TMTC2: variants seen among roughly 807,000 people sequenced by gnomAD.
The protein encoded by TMTC2 is transmembrane O-mannosyltransferase targeting cadherins 2, also known as protein O-mannosyl-transferase TMTC2.
TMTC2 carries 43 observed loss-of-function variants against 82.4 expected under a neutral mutation model. That is an observed-to-expected ratio of 0.52 (90% CI 0.41 to 0.67). TMTC2 has a LOEUF of 0.67. TMTC2 is among the 30% of genes least tolerant of loss of function. The pLI, the probability that TMTC2 is intolerant of heterozygous loss-of-function variation, is 0.00. For missense variants in TMTC2, 919 were observed against 1,012.4 expected, an observed-to-expected ratio of 0.91 and a Z score of 1.25; for synonymous variants, 408 against 381.9, an observed-to-expected ratio of 1.07 and a Z score of -0.80.
intron 1 of TMTC2, among the ~76,000 whole-genome samples, chr12:82,741,433 C>T (rs947924553): frequency 6.6e-6 from 1 of 152,094 alleles, no homozygotes; most frequent in Admixed American, 6.5e-5. Flanking sequence ...GCCTTAGCCT[C>T]CTGAGTAGCT....
intron 4 of TMTC2, among the ~76,000 whole-genome samples, chr12:82,941,717 G>T (rs1396934936): frequency 1.3e-5 from 2 of 152,064 alleles, no homozygotes; most frequent in East Asian, 3.9e-4. Flanking sequence ...CATTGTTATT[G>T]TATACCTACT....
chr12:82,854,960 A>G (rs1871182521), intron 1 of TMTC2, among the ~76,000 whole-genome samples: 1 of 152,200 alleles, frequency 6.6e-6, no homozygotes, highest in South Asian at 2.1e-4. Flanking sequence ...TCTTTATATA[A>G]TAATAACAGC....
intron 1 of TMTC2, among the ~76,000 whole-genome samples, chr12:82,838,984 G>A (rs563632538): frequency 6.6e-6 from 1 of 152,034 alleles, no homozygotes; most frequent in African/African-American, 2.4e-5. Context: ...GAAATGCCTG[G>A]GCATTAAAAA....
At position 83,068,468 on chromosome 12, in the gene TMTC2, C is replaced by G. The variant is rs190725688; in HGVS notation, c.2331+6637C>G. ...ATAATTTGTCTGGGAAGCAGTTAAA[C>G]CACATTTCTGCTTGTAAATGGGGGA... On this transcript the variant is annotated intron_variant, in intron 11 of 11. Transcript: ENST00000321196. 1.8e-4 allele frequency among the ~76,000 whole-genome samples: 27 copies of G among 152,166 alleles called. 1 individual carries two copies. The highest frequency in any genetic ancestry group is 6.3e-4 in the African/African-American group (26 of 41,528).
At chr12:82,874,412 T>A (rs992408247) in intron 2 of TMTC2, among the ~76,000 whole-genome samples, 8 of 152,192 alleles carry the variant, frequency 5.3e-5, no homozygotes, top group African/African-American at 1.9e-4. Context: ...TGCTAAGCCA[T>A]TTTTGGGTAA....
chr12:83,040,974 G>A (rs1364696061), intron 9 of TMTC2, among the ~76,000 whole-genome samples: 2 of 152,056 alleles, frequency 1.3e-5, no homozygotes, highest in East Asian at 1.9e-4. Context: ...ATGAGCCACC[G>A]CACCAGGTCA....
intron 11 of TMTC2, among the ~76,000 whole-genome samples, chr12:83,084,890 G>A (rs1016008831): frequency 6.6e-6 from 1 of 152,198 alleles, no homozygotes; most frequent in Non-Finnish European, 1.5e-5. Flanking sequence ...TGACTATGGT[G>A]GAGGAATAAT....
At chr12:82,763,198 AAAAC>A (rs1336499987) in intron 1 of TMTC2, among the ~76,000 whole-genome samples, 1 of 152,152 alleles carries the variant, frequency 6.6e-6, no homozygotes, top group Non-Finnish European at 1.5e-5. Context: ...CTAGAAAAAA[AAAAC>A]AAGAAAAAAA....
chr12:82,902,246 A>G (rs1171523671), intron 3 of TMTC2, among the ~76,000 whole-genome samples: 1 of 124,912 alleles, frequency 8.0e-6, no homozygotes, highest in African/African-American at 2.6e-5. Context: ...AAACCCCCAA[A>G]AGTTTGGGAG....
At chr12:82,835,636 C>T (rs1869993372) in intron 1 of TMTC2, among the ~76,000 whole-genome samples, 1 of 152,096 alleles carries the variant, frequency 6.6e-6, no homozygotes, top group Non-Finnish European at 1.5e-5. Flanking sequence ...TTAAATTAGG[C>T]GTTCTTTGCA....
intron 1 of TMTC2, among the ~76,000 whole-genome samples, chr12:82,691,275 A>G (rs974680558): frequency 6.6e-6 from 1 of 152,188 alleles, no homozygotes; most frequent in Non-Finnish European, 1.5e-5. Flanking sequence ...GTTAAACTCA[A>G]CCAGAATCAT....
At chr12:82,957,521 C>T (rs1214129186) in intron 4 of TMTC2, among the ~76,000 whole-genome samples, 5 of 152,000 alleles carry the variant, frequency 3.3e-5, no homozygotes, top group African/African-American at 9.6e-5. Context: ...AAGGAAATAA[C>T]AAAAGTCAAA....
intron 1 of TMTC2, among the ~76,000 whole-genome samples, chr12:82,768,413 C>CTGTG (rs201051517): frequency 6.6e-6 from 1 of 152,128 alleles, no homozygotes; most frequent in Non-Finnish European, 1.5e-5. Context: ...GTAAAAGAGG[C>CTGTG]TGTGTGTGTG....
At chr12:82,998,244 A>G (rs761836151) in intron 8 of TMTC2, among the ~76,000 whole-genome samples, 21 of 152,138 alleles carry the variant, frequency 1.4e-4, no homozygotes, top group Non-Finnish European at 1.8e-4. Flanking sequence ...GTGGACGGAG[A>G]TAATAGGAGA....
chr12:82,810,318 T>C (rs988353045), intron 1 of TMTC2, among the ~76,000 whole-genome samples: 1 of 151,650 alleles, frequency 6.6e-6, no homozygotes, highest in Non-Finnish European at 1.5e-5. Flanking sequence ...TTGCTTTTCA[T>C]GTAAAAGGCA....
At chr12:83,044,137 GA>G (rs1250556357) in intron 9 of TMTC2, among the ~76,000 whole-genome samples, 1 of 152,186 alleles carries the variant, frequency 6.6e-6, no homozygotes, top group African/African-American at 2.4e-5. Context: ...ATGGAAATAT[GA>G]ATAGGAAAAT....
At chr12:82,741,746 A>C (rs1875418818) in intron 1 of TMTC2, among the ~76,000 whole-genome samples, 2 of 152,208 alleles carry the variant, frequency 1.3e-5, no homozygotes, top group Non-Finnish European at 2.9e-5. Flanking sequence ...TAAAGTGTGG[A>C]GGCTGTAGTG....
intron 1 of TMTC2, among the ~76,000 whole-genome samples, chr12:82,790,771 G>A (rs1434545972): frequency 6.6e-6 from 1 of 150,752 alleles, no homozygotes; most frequent in Non-Finnish European, 1.5e-5. Context: ...AGGTTACAGT[G>A]AGCTGAGATC....
chr12:83,106,775 T>C (rs186591061), intron 11 of TMTC2, among the ~76,000 whole-genome samples: 7 of 152,312 alleles, frequency 4.6e-5, no homozygotes, highest in Admixed American at 4.6e-4. Flanking sequence ...TCTGTAATAC[T>C]CTCTTATTGT....
Sources: gnomAD v4.1 joint callset for allele counts (sites outside exome capture counted in the v4.1 genomes callset) on GRCh38, gnomAD v4.1.1 for gene constraint, MANE v1.5 for transcripts, NCBI Gene and HGNC (gene_info 2026-07-23, HGNC 2026-07-21) for gene names.